The following SSTR2 variants were observed in gnomAD, a reference collection of about 807,000 sequenced individuals.
The protein encoded by SSTR2 is somatostatin receptor type 2.
In SSTR2, 10 loss-of-function variants were observed where a neutral mutation model predicts 21.4. The ratio of observed to expected loss-of-function variants is 0.47; its 90% CI spans 0.29 to 0.79. The LOEUF is 0.79. Ranked by LOEUF, SSTR2 falls within the 30% of genes least tolerant of loss-of-function variation. SSTR2 has a pLI of 0.10. For synonymous variants in SSTR2, 177 were observed against 181.3 expected, an observed-to-expected ratio of 0.98 and a Z score of 0.19; for missense variants, 364 against 468.8, an observed-to-expected ratio of 0.78 and a Z score of 2.06.
At position 73,169,527 on chromosome 17, in the gene SSTR2, C is replaced by T. The variant is rs200265628; in HGVS notation, c.208C>T (p.Arg70Cys). 67 of 1,614,152 alleles carry T rather than the reference C, an allele frequency of 4.2e-5. No individual in the cohort carries two copies. The highest frequency in any genetic ancestry group is 5.2e-5 in the Non-Finnish European group (61 of 1,180,058). ...GNTLVIYVILRYAKMKTITNI... is the reference protein window; with the variant it reads ...GNTLVIYVILCYAKMKTITNI... ...CACACTTGTCATTTATGTCATCCTC[C>T]GCTATGCCAAGATGAAGACCATCAC... The change falls in exon 2 of 2, where the codon CGC (arginine) becomes TGC (cysteine). Residue 70 changes from arginine to cysteine, a missense_variant. Coordinates refer to ENST00000357585, the MANE Select transcript of SSTR2 (RefSeq NM_001050.3). This position sits in a 1 kb window ranked among gnomAD's most constrained non-coding sequence, Gnocchi z 5.2.
In SSTR2 at chr17:73,170,253, T is replaced by C; in HGVS notation, c.934T>C (p.Tyr312His). Reference sequence around the variant, plus strand: ...TAACAGCTGTGCCAACCCTATCCTATATGCCTTCTTGTCTGACAACTTCAA... The same window carrying C: ...TAACAGCTGTGCCAACCCTATCCTACATGCCTTCTTGTCTGACAACTTCAA... The part of the protein sequence containing the change: ...YANSCANPIL[Y>H]AFLSDNFKKS... The change falls in exon 2 of 2, where the codon TAT (tyrosine) becomes CAT (histidine). Residue 312 changes from tyrosine (Y) to histidine (H), a missense_variant. Tyr to His is a moderately conservative substitution (Grantham distance 83). Coordinates refer to ENST00000357585, the MANE Select transcript of SSTR2 (RefSeq NM_001050.3). The C allele has an allele frequency of 6.2e-7, 1 of 1,614,088 alleles. No homozygotes were observed. Among genetic ancestry groups the C allele is most frequent in the African/African-American group, 1.3e-5 (1 of 75,012 alleles).
chr17:73,167,511 A>G (rs1202928300), intron 1 of SSTR2, among the ~76,000 whole-genome samples: 1 of 152,246 alleles, frequency 6.6e-6, no homozygotes, highest in African/African-American at 2.4e-5. Context: ...GACCTAGCTC[A>G]GGGGAAATGT....
chr17:73,174,929 T>C lies in SSTR2; in HGVS notation c.*4500T>C, dbSNP rs1264202545. 2 of 152,734 alleles carry C rather than the reference T, an allele frequency of 1.3e-5. No homozygotes were observed. The highest frequency in any genetic ancestry group is 1.5e-5 in the Non-Finnish European group (1 of 68,038). 9.5% of individuals were successfully genotyped at this position (152,734 alleles called of 1,614,324 possible). A position where few individuals can be genotyped will look rare whatever the true frequency, so the allele number is the denominator to read the frequency against. On this transcript the variant is annotated 3_prime_UTR_variant, in exon 2 of 2. Coordinates refer to ENST00000357585, the MANE Select transcript of SSTR2 (RefSeq NM_001050.3). ...GTTCTGTTTTAAGTAACAGAATTGA[T>C]AACTGAGCAGGGAAACGTAATTTGG... is the stretch of plus-strand genomic sequence containing the variant.
chr17:73,176,099 G>A lies in SSTR2; in HGVS notation c.*5670G>A, dbSNP rs912417740. ...CTTGTCTTAAGAGAGGAAGACCCACGACCAGCTCTCTGGGACTACCTGTCA... is the reference window on the plus strand; with the variant it reads ...CTTGTCTTAAGAGAGGAAGACCCACAACCAGCTCTCTGGGACTACCTGTCA... On this transcript the variant is annotated 3_prime_UTR_variant, in exon 2 of 2. Coordinates refer to ENST00000357585, the MANE Select transcript of SSTR2 (RefSeq NM_001050.3). 3.3e-5 allele frequency: 5 copies of A among 152,180 alleles called. No homozygotes were observed. Among genetic ancestry groups the A allele is most frequent in the Non-Finnish European group, 7.3e-5 (5 of 68,030 alleles). The allele number at this position is 152,180 out of a possible 1,614,324, so 9.4% of individuals were successfully genotyped here.
At chr17:73,166,446 G>A (rs971145778) in intron 1 of SSTR2, among the ~76,000 whole-genome samples, 2 of 151,424 alleles carry the variant, frequency 1.3e-5, no homozygotes, top group Non-Finnish European at 2.9e-5. Context: ...ATGTAAAAGG[G>A]GGGCGGGGGG....
rs2061247776 is a variant in SSTR2 at position 73,175,942 on chromosome 17, C to T, written c.*5513C>T. ...GTCACTGAAGACAGAAAGGGAAGCC[C>T]AGGATGAACCCAGTCCTAAGGGCTG... On this transcript the variant is annotated 3_prime_UTR_variant, in exon 2 of 2. Coordinates refer to ENST00000357585, the MANE Select transcript of SSTR2 (RefSeq NM_001050.3). 6.6e-6 allele frequency: 1 copy of T among 152,200 alleles called. No individual in the cohort carries two copies. The highest frequency in any genetic ancestry group is 2.4e-5 in the African/African-American group (1 of 41,420). 9.4% of individuals were successfully genotyped at this position (152,200 alleles called of 1,614,324 possible).
intron 1 of SSTR2, among the ~76,000 whole-genome samples, chr17:73,166,052 G>T (rs1275136042): frequency 6.6e-6 from 1 of 152,094 alleles, no homozygotes; most frequent in Non-Finnish European, 1.5e-5. Context: ...AGTTCTTTGG[G>T]AAACCCTTGC....
Position 73,176,014 on chromosome 17 carries a change from G to A in SSTR2, c.*5585G>A, listed in dbSNP as rs1420910652. ...TGTTTTAGCCCTGGACACAGAGGGA[G>A]ACACAGTCATCCCAGATCCTTACAA... On this transcript the variant is annotated 3_prime_UTR_variant, in exon 2 of 2. Coordinates refer to ENST00000357585, the MANE Select transcript of SSTR2 (RefSeq NM_001050.3). 1 of 152,214 alleles carries A rather than the reference G, an allele frequency of 6.6e-6. No individual in the cohort carries two copies. Among genetic ancestry groups the A allele is most frequent in the Non-Finnish European group, 1.5e-5 (1 of 68,080 alleles). 9.4% of individuals were successfully genotyped at this position (152,214 alleles called of 1,614,324 possible). A position where few individuals can be genotyped will look rare whatever the true frequency, so the allele number is the denominator to read the frequency against.
In SSTR2 at chr17:73,170,425, T is replaced by A; in HGVS notation, c.1106T>A (p.Ile369Asn). The change falls in exon 2 of 2, where the codon ATC becomes AAC. Residue 369 changes from isoleucine (I) to asparagine (N), a missense_variant. Coordinates refer to ENST00000357585, the MANE Select transcript of SSTR2 (RefSeq NM_001050.3). ...CTCAATGGAGACCTCCAAACCAGTA[T>A]CTGAACTGCTTGGGGGGTGGGAAAG... The part of the protein sequence containing the change: ...TLLNGDLQTS[I>N] 4 of 1,611,744 alleles carry A rather than the reference T, an allele frequency of 2.5e-6. No individual in the cohort carries two copies. The highest frequency in any genetic ancestry group is 3.4e-6 in the Non-Finnish European group (4 of 1,178,834).
rs2061237706 is a variant in SSTR2, at chr17:73,172,156, C to G, written c.*1727C>G. The G allele has an allele frequency of 2.6e-5, 4 of 152,070 alleles. No individual in the cohort carries two copies. Among genetic ancestry groups the G allele is most frequent in the Non-Finnish European group, 5.9e-5 (4 of 68,028 alleles). The allele number at this position is 152,070 out of a possible 1,614,324, so 9.4% of individuals were successfully genotyped here. On this transcript the variant is annotated 3_prime_UTR_variant, in exon 2 of 2. Coordinates refer to ENST00000357585, the MANE Select transcript of SSTR2 (RefSeq NM_001050.3). ...TCATATCTTTAATGCCATGGACTCA[C>G]TGAGCCGCTCTGCAAGGACTATTGT...
At position 73,170,331 on chromosome 17, in the gene SSTR2, G is replaced by A. The variant is rs919160241; in HGVS notation, c.1012G>A (p.Gly338Arg). Residue 338 changes from glycine (G) to arginine (R), a missense_variant, in exon 2 of 2, where the codon GGG becomes AGG. Physicochemically the swap from Gly to Arg is moderately radical, Grantham distance 125 (BLOSUM62 -2). Around this residue, in one of 4 missense-constraint regions of SSTR2, gnomAD observed 71 missense variants for 53.8 expected, o/e 1.32. Coordinates refer to ENST00000357585, the MANE Select transcript of SSTR2 (RefSeq NM_001050.3). The part of the protein sequence containing the change: ...CLVKVSGTDD[G>R]ERSDSKQDKS... ...GGTCAAGGTGAGCGGCACAGATGAT[G>A]GGGAGCGGAGTGACAGTAAGCAGGA... 4.3e-6 allele frequency: 7 copies of A among 1,614,006 alleles called. No homozygotes were observed. Among genetic ancestry groups the A allele is most frequent in the Middle Eastern group, 1.6e-4 (1 of 6,062 alleles).
intron 1 of SSTR2, among the ~76,000 whole-genome samples, chr17:73,166,543 T>C (rs779218783): frequency 1.5e-4 from 23 of 152,164 alleles, no homozygotes; most frequent in Non-Finnish European, 2.8e-4. Context: ...ATTTCCAGCA[T>C]CTAACAATTC....
At chr17:73,168,463 T>C (rs1599308552) in intron 1 of SSTR2, among the ~76,000 whole-genome samples, 1 of 152,120 alleles carries the variant, frequency 6.6e-6, no homozygotes, top group East Asian at 1.9e-4. Flanking sequence ...AAACAAAAAA[T>C]AAACTGAAGC....
chr17:73,170,747 T>C lies in SSTR2; in HGVS notation c.*318T>C, dbSNP rs1357102360. On this transcript the variant is annotated 3_prime_UTR_variant, in exon 2 of 2. Coordinates refer to ENST00000357585, the MANE Select transcript of SSTR2 (RefSeq NM_001050.3). ...AAAAAAATAAGTATCTGTGTGTTTG[T>C]GTATTGAAAACTCAATATGTAATCT... The C allele has an allele frequency of 1.9e-5, 10 of 526,800 alleles. No homozygotes were observed. The highest frequency in any genetic ancestry group is 3.8e-5 in the Non-Finnish European group (10 of 264,896). The allele number at this position is 526,800 out of a possible 1,614,324, so 32.6% of individuals were successfully genotyped here.
At position 73,174,950 on chromosome 17, in the gene SSTR2, TTTGGATTGTAAA is replaced by T. The variant is rs2061245227; in HGVS notation, c.*4522_*4533del. The T allele has an allele frequency of 6.5e-6, 1 of 152,680 alleles. No individual in the cohort carries two copies. The highest frequency in any genetic ancestry group is 1.5e-5 in the Non-Finnish European group (1 of 68,040). 9.5% of individuals were successfully genotyped at this position (152,680 alleles called of 1,614,324 possible). A position where few individuals can be genotyped will look rare whatever the true frequency, so the allele number is the denominator to read the frequency against. ...TTGATAACTGAGCAGGGAAACGTAATTTGGATTGTAAAATTCTTGCTTTAATAAAAATTCTTT... is the reference window on the plus strand; with the variant it reads ...TTGATAACTGAGCAGGGAAACGTAATATTCTTGCTTTAATAAAAATTCTTT... On this transcript the variant is annotated 3_prime_UTR_variant, in exon 2 of 2. Transcript: ENST00000357585.
rs2145069674 is a variant in SSTR2, at chr17:73,170,181, C to A, written c.862C>A (p.Pro288Thr). 6.2e-7 allele frequency: 1 copy of A among 1,614,182 alleles called. No individual in the cohort carries two copies. The highest frequency in any genetic ancestry group is 8.5e-7 in the Non-Finnish European group (1 of 1,180,040). ...SSVSMAISPT[P>T]ALKGMFDFVV... ...CGTCTCCATGGCCATCAGCCCCACC[C>A]CAGCCCTTAAAGGCATGTTTGACTT... The change falls in exon 2 of 2, where the codon CCA becomes ACA. Residue 288 changes from proline to threonine, a missense_variant. Physicochemically the swap from Pro to Thr is conservative, Grantham distance 38 (BLOSUM62 -1). Transcript: ENST00000357585.
In SSTR2 at chr17:73,169,091, G is replaced by A. The variant is rs1259489402; in HGVS notation, c.-92-137G>A. 14 of 569,222 alleles carry A rather than the reference G, an allele frequency of 2.5e-5. No individual in the cohort carries two copies. Among genetic ancestry groups the A allele is most frequent in the Non-Finnish European group, 4.0e-5 (13 of 322,994 alleles). The allele number at this position is 569,222 out of a possible 1,614,324, so 35.3% of individuals were successfully genotyped here. ...CTGCACACTGATGAGGAACTCTAGA[G>A]CTTAATGTTGATGTGGAAAGATAAT... On this transcript the variant is annotated intron_variant, in intron 1 of 1. Coordinates refer to ENST00000357585, the MANE Select transcript of SSTR2 (RefSeq NM_001050.3). The surrounding 1 kb of genome is among the most constrained non-coding windows in gnomAD (Gnocchi z 5.2).
Position 73,169,682 on chromosome 17 carries a change from G to T in SSTR2, c.363G>T (p.Val121=). 1 of 1,614,228 alleles carries T rather than the reference G, an allele frequency of 6.2e-7. No individual in the cohort carries two copies. Among genetic ancestry groups the T allele is most frequent in the Non-Finnish European group, 8.5e-7 (1 of 1,180,054 alleles). Residue 121 remains valine, a synonymous_variant, in exon 2 of 2, where the codon GTG becomes GTT. Coordinates refer to ENST00000357585, the MANE Select transcript of SSTR2 (RefSeq NM_001050.3). This position sits in a 1 kb window ranked among gnomAD's most constrained non-coding sequence, Gnocchi z 5.2. The stretch of plus-strand genomic sequence containing the variant: ...CCATTTGCCGGGTGGTCATGACTGT[G>T]GATGGCATCAATCAGTTCACCAGCA... ...GKAICRVVMT[V]DGINQFTSIF... is the part of the protein sequence containing the mutation.
Position 73,169,091 on chromosome 17 carries a change from G to C in SSTR2, c.-92-137G>C. ...CTGCACACTGATGAGGAACTCTAGAGCTTAATGTTGATGTGGAAAGATAAT... is the reference window on the plus strand; with the variant it reads ...CTGCACACTGATGAGGAACTCTAGACCTTAATGTTGATGTGGAAAGATAAT... On this transcript the variant is annotated intron_variant, in intron 1 of 1. Transcript: ENST00000357585. This position sits in a 1 kb window ranked among gnomAD's most constrained non-coding sequence, Gnocchi z 5.2. 1.8e-6 allele frequency: 1 copy of C among 569,340 alleles called. No individual in the cohort carries two copies. Among genetic ancestry groups the C allele is most frequent in the Non-Finnish European group, 3.1e-6 (1 of 322,986 alleles). 35.3% of individuals were successfully genotyped at this position (569,340 alleles called of 1,614,324 possible).
Sources: allele counts gnomAD v4.1 joint callset (sites outside exome capture counted in the v4.1 genomes callset), GRCh38; gene constraint gnomAD v4.1.1; regional missense constraint gnomAD v4.1.1; non-coding constraint Gnocchi (gnomAD v3.1); transcripts MANE v1.5; gene names NCBI Gene and HGNC (gene_info 2026-07-23, HGNC 2026-07-21).